The following CASP4 variants were observed in gnomAD, a reference collection of about 807,000 sequenced individuals.
CASP4 encodes caspase-4.
A neutral mutation model predicts 41.3 loss-of-function variants in CASP4; 29 were observed. The observed-to-expected ratio is 0.70, with a 90% CI of 0.52 to 0.96. The LOEUF (loss-of-function observed/expected upper bound fraction) is 0.96, where lower values mean the gene tolerates loss of function less well. CASP4 is among the 40% of genes least tolerant of loss of function. CASP4 has a pLI of 0.00. For missense variants in CASP4, 447 were observed against 460.6 expected (o/e 0.97, Z 0.27); for synonymous variants, 185 against 158.4 (o/e 1.17, Z -1.26).
intron 1 of CASP4, 149 bp downstream of exon 1, chr11:104,968,370 C>A: frequency 1.4e-6 from 1 of 702,946 alleles, no homozygotes; most frequent in South Asian, 1.8e-5. Flanking sequence ...AACACCAGGT[C>A]CCATGATTCA....
intron 1 of CASP4, among the ~76,000 whole-genome samples, chr11:104,955,505 C>A (rs1860717631): frequency 6.6e-6 from 1 of 151,954 alleles, no homozygotes; most frequent in East Asian, 1.9e-4. Context: ...TAACTTACAT[C>A]CTATACCCAC....
chr11:104,956,812 C>T (rs1261264836), intron 1 of CASP4: 1 of 158,344 alleles, frequency 6.3e-6, no homozygotes. Context: ...TACCTGAGTT[C>T]TGGGCTTCTG....
chr11:104,962,212 G>C (rs1367046731), intron 1 of CASP4, among the ~76,000 whole-genome samples: 2 of 151,984 alleles, frequency 1.3e-5, no homozygotes, highest in Non-Finnish European at 2.9e-5. Context: ...ACTATGGTGA[G>C]GTGAGCAGGC....
intron 2 of CASP4, among the ~76,000 whole-genome samples, chr11:104,953,609 A>G (rs1235599357): frequency 6.6e-6 from 1 of 152,142 alleles, no homozygotes; most frequent in Non-Finnish European, 1.5e-5. Context: ...GTTGGTAGGA[A>G]CACCCCTTCT....
chr11:104,948,012 A>T (rs1469463662), intron 6 of CASP4: 2 of 152,228 alleles, frequency 1.3e-5, no homozygotes, highest in African/African-American at 4.8e-5. Flanking sequence ...TTAAAAAATA[A>T]GATTTAAAAA....
chr11:104,956,556 G>A, intron 1 of CASP4: 1 of 629,244 alleles, frequency 1.6e-6, no homozygotes, highest in Non-Finnish European at 2.0e-6. Context: ...TAGGGGTTCA[G>A]AATCCAGAGC....
At chr11:104,949,218 A>G in intron 5 of CASP4, 1 of 369,834 alleles carries the variant, frequency 2.7e-6, no homozygotes, top group South Asian at 3.4e-5. Flanking sequence ...CACAATGTCA[A>G]AATTTCTGTA....
At chr11:104,968,397 T>C (rs1591138392) in intron 1 of CASP4, 122 bp downstream of exon 1, 1 of 871,804 alleles carries the variant, frequency 1.1e-6, no homozygotes, top group Non-Finnish European at 1.9e-6. Flanking sequence ...ACACAATCAG[T>C]AAGAAAAGGA....
At chr11:104,948,396 A>G (rs1240680933) in intron 6 of CASP4, 137 bp downstream of exon 6, 2 of 867,934 alleles carry the variant, frequency 2.3e-6, no homozygotes, top group Non-Finnish European at 3.3e-6. Context: ...CACGGCACAC[A>G]TAAGATCATG....
chr11:104,949,859 G>A, intron 4 of CASP4, 82 bp from the exon 5 acceptor site: 1 of 1,307,730 alleles, frequency 7.6e-7, no homozygotes. Flanking sequence ...AGCGAAACAA[G>A]AAACATATGT....
intron 1 of CASP4, among the ~76,000 whole-genome samples, chr11:104,957,636 A>G (rs1405521323): frequency 6.6e-6 from 1 of 152,186 alleles, no homozygotes; most frequent in Non-Finnish European, 1.5e-5. Context: ...ACTGAAGAAG[A>G]CAAAAATAAG....
At chr11:104,951,561 C>T in intron 3 of CASP4, 1 of 344,004 alleles carries the variant, frequency 2.9e-6, no homozygotes, top group African/African-American at 2.1e-5. Flanking sequence ...AAGTAGAGTG[C>T]AACCAATTAC....
chr11:104,950,840 C>A, intron 4 of CASP4, 85 bp downstream of exon 4: 6 of 1,106,676 alleles, frequency 5.4e-6, no homozygotes, highest in Non-Finnish European at 7.7e-6. Flanking sequence ...GTTGTTAAAC[C>A]TTGTTGAGCT....
rs536860079 is a variant in CASP4 at position 104,948,914 on chromosome 11, GA to G, written c.782-239del. On this transcript the variant is annotated intron_variant, in intron 5 of 8. Coordinates refer to ENST00000444739, the MANE Select transcript of CASP4 (RefSeq NM_001225.4). ...ATCATCTTGAATTTACCATTTTCTA[GA>G]AAAAAAATCTGTTTTCTTTTGAAAA... 1.0e-4 allele frequency: 34 copies of G among 329,136 alleles called. No individual in the cohort carries two copies. In the South Asian group the frequency reaches 2.5e-3, roughly 24 times the overall value. The allele number at this position is 329,136 out of a possible 1,614,324, so 20.4% of individuals were successfully genotyped here.
intron 3 of CASP4, chr11:104,951,597 A>G (rs1450714249): frequency 4.7e-6 from 2 of 421,892 alleles, no homozygotes; most frequent in Non-Finnish European, 8.8e-6. Context: ...TCCTCCAAAT[A>G]TGTTTATTCC....
intron 1 of CASP4, among the ~76,000 whole-genome samples, chr11:104,966,234 C>A (rs980811157): frequency 6.6e-6 from 1 of 152,114 alleles, no homozygotes; most frequent in African/African-American, 2.4e-5. Context: ...AATAGCAAAC[C>A]AGGTAAGTTT....
intron 2 of CASP4, among the ~76,000 whole-genome samples, chr11:104,952,664 A>G (rs1362312215): frequency 5.3e-5 from 8 of 152,264 alleles, no homozygotes; most frequent in Admixed American, 4.6e-4. Context: ...AGCACAGAAT[A>G]TTGAATCTTG....
At position 104,946,932 on chromosome 11, in the gene CASP4, C is replaced by T. The variant is rs1860475018; in HGVS notation, c.1035+151G>A. ...CTGGGATATATTGGAATTGTCTTTT[C>T]CTTAGCCATATTTTAAACAACTGAA... On this transcript the variant is annotated intron_variant, in intron 7 of 8. Coordinates refer to ENST00000444739, the MANE Select transcript of CASP4 (RefSeq NM_001225.4). The T allele has an allele frequency of 5.1e-6, 3 of 584,282 alleles. No homozygotes were observed. The South Asian group carries it at 6.4e-5, about 13-fold the overall frequency. 36.2% of individuals were successfully genotyped at this position (584,282 alleles called of 1,614,324 possible).
intron 2 of CASP4, among the ~76,000 whole-genome samples, chr11:104,952,601 T>A (rs1478438024): frequency 2.0e-5 from 3 of 152,174 alleles, no homozygotes; most frequent in South Asian, 2.1e-4. Context: ...TTTGGAGTAA[T>A]CGTCCCCTCC....
Sources: gnomAD v4.1 joint callset for allele counts (sites outside exome capture counted in the v4.1 genomes callset) on GRCh38, gnomAD v4.1.1 for gene constraint, MANE v1.5 for transcripts, NCBI Gene and HGNC (gene_info 2026-07-23, HGNC 2026-07-21) for gene names.